Variants in HS6ST3 observed in about 807,000 individuals in gnomAD.
The protein encoded by HS6ST3 is heparan sulfate 6-O-sulfotransferase 3.
A neutral mutation model predicts 36.7 loss-of-function variants in HS6ST3; 12 were observed. That is an observed-to-expected ratio of 0.33 (90% CI 0.21 to 0.53). HS6ST3 has a LOEUF of 0.53. Ranked by LOEUF, HS6ST3 falls within the 20% of genes least tolerant of loss-of-function variation. HS6ST3 has a pLI of 0.95. For missense variants in HS6ST3, 584 were observed against 640.9 expected (o/e 0.91, Z 0.96); for synonymous variants, 240 against 257.5 (o/e 0.93, Z 0.65).
chr13:96,771,479 A>G (rs918409064), intron 1 of HS6ST3, among the ~76,000 whole-genome samples: 2 of 152,252 alleles, frequency 1.3e-5, no homozygotes, highest in South Asian at 4.1e-4. Flanking sequence ...TAAGCATTCT[A>G]ATCATGTAAT....
chr13:96,693,679 G>A (rs1779974974), intron 1 of HS6ST3, among the ~76,000 whole-genome samples: 2 of 152,166 alleles, frequency 1.3e-5, no homozygotes, highest in South Asian at 2.1e-4. Flanking sequence ...ATGGTAAAAT[G>A]ATGATTGACT....
intron 1 of HS6ST3, among the ~76,000 whole-genome samples, chr13:96,108,562 G>A (rs938434115): frequency 6.6e-6 from 1 of 152,082 alleles, no homozygotes; most frequent in Non-Finnish European, 1.5e-5. Context: ...TGGCTCGGGG[G>A]CATCATGGAA....
At chr13:96,362,785 G>A (rs1409336521) in intron 1 of HS6ST3, among the ~76,000 whole-genome samples, 3 of 152,128 alleles carry the variant, frequency 2.0e-5, no homozygotes, top group Non-Finnish European at 2.9e-5. Context: ...CTGTGATATA[G>A]CCACACTATG....
intron 1 of HS6ST3, among the ~76,000 whole-genome samples, chr13:96,275,205 A>G (rs968456214): frequency 4.3e-4 from 65 of 152,260 alleles, no homozygotes; most frequent in African/African-American, 1.5e-3. Flanking sequence ...GTTCCTTTCC[A>G]TGTTTGATTT....
chr13:96,573,714 C>T (rs762847822), intron 1 of HS6ST3: 53 of 293,848 alleles, frequency 1.8e-4, no homozygotes, highest in Non-Finnish European at 3.2e-4. Context: ...AAGTGAAACA[C>T]ACAGTCACAA....
chr13:96,216,173 A>G (rs1421456698), intron 1 of HS6ST3, among the ~76,000 whole-genome samples: 2 of 152,224 alleles, frequency 1.3e-5, no homozygotes, highest in Non-Finnish European at 2.9e-5. Flanking sequence ...TACCTACCAC[A>G]TAGTACGTAA....
intron 1 of HS6ST3, among the ~76,000 whole-genome samples, chr13:96,320,659 G>A (rs139727521): frequency 6.6e-6 from 1 of 152,180 alleles, no homozygotes; most frequent in Non-Finnish European, 1.5e-5. Context: ...ATTTGAGATG[G>A]CATTTCAGCT....
intron 1 of HS6ST3, among the ~76,000 whole-genome samples, chr13:96,722,547 C>T (rs1480748057): frequency 3.3e-5 from 5 of 152,176 alleles, no homozygotes; most frequent in Non-Finnish European, 5.9e-5. Flanking sequence ...TGGGTGTTCG[C>T]TTTGGATCCA....
chr13:96,814,570 ATTTTAC>A (rs1266014561), intron 1 of HS6ST3, among the ~76,000 whole-genome samples: 2 of 151,988 alleles, frequency 1.3e-5, no homozygotes, highest in African/African-American at 4.8e-5. Flanking sequence ...AAATAGTCTA[ATTTTAC>A]TTTTATTATT....
intron 1 of HS6ST3, among the ~76,000 whole-genome samples, chr13:96,774,123 A>T (rs1445162001): frequency 6.6e-6 from 1 of 152,352 alleles, no homozygotes; most frequent in East Asian, 1.9e-4. Flanking sequence ...AATAGAAAGG[A>T]ATAGCATCAA....
In HS6ST3 at chr13:96,112,623, G is replaced by A. The variant is rs1204539122; in HGVS notation, c.707+21054G>A. Among the ~76,000 whole-genome samples, 34 of 41,784 alleles carry A rather than the reference G, an allele frequency of 8.1e-4. 1 individual carries two copies. The highest frequency in any genetic ancestry group is 3.0e-3 in the South Asian group (3 of 990). 27.4% of individuals were successfully genotyped at this position (41,784 alleles called of 152,430 possible). On this transcript the variant is annotated intron_variant, in intron 1 of 1. Coordinates refer to ENST00000376705, the MANE Select transcript of HS6ST3 (RefSeq NM_153456.4). ...TATATATATATATATATATATATAT[G>A]CCCGGCTGGTGGTGTACACCTGTGG... is the stretch of plus-strand genomic sequence containing the variant.
intron 1 of HS6ST3, among the ~76,000 whole-genome samples, chr13:96,695,195 A>G (rs1464148218): frequency 1.3e-5 from 2 of 152,220 alleles, no homozygotes; most frequent in Non-Finnish European, 2.9e-5. Flanking sequence ...GAGGCAAAAT[A>G]TTGAAGGTGG....
intron 1 of HS6ST3, among the ~76,000 whole-genome samples, chr13:96,326,298 G>C (rs1164778531): frequency 6.7e-6 from 1 of 149,952 alleles, no homozygotes; most frequent in South Asian, 2.1e-4. Flanking sequence ...TTTAACATTA[G>C]GTATATCTCC....
At chr13:96,737,359 T>C (rs11842406) in intron 1 of HS6ST3, among the ~76,000 whole-genome samples, 84,971 of 151,452 alleles carry the variant, frequency 0.56, 25,626 homozygotes, top group African/African-American at 0.8. Context: ...GGCGCGGTGG[T>C]TCACGCCTGT....
chr13:96,612,752 T>C (rs1262458431), intron 1 of HS6ST3, among the ~76,000 whole-genome samples: 1 of 152,128 alleles, frequency 6.6e-6, no homozygotes, highest in African/African-American at 2.4e-5. Flanking sequence ...GCCCTTCCAT[T>C]CTAAATTCTC....
intron 1 of HS6ST3, among the ~76,000 whole-genome samples, chr13:96,793,058 A>C (rs1217729692): frequency 6.6e-6 from 1 of 152,036 alleles, no homozygotes; most frequent in Non-Finnish European, 1.5e-5. Flanking sequence ...AAAATGAAAC[A>C]AATTGCTTAG....
At chr13:96,294,491 C>T (rs1174500779) in intron 1 of HS6ST3, among the ~76,000 whole-genome samples, 2 of 152,104 alleles carry the variant, frequency 1.3e-5, no homozygotes, top group African/African-American at 4.8e-5. Context: ...TGCTCCATAA[C>T]CACATGTGGC....
intron 1 of HS6ST3, among the ~76,000 whole-genome samples, chr13:96,679,424 C>T (rs1297097741): frequency 6.6e-6 from 1 of 151,986 alleles, no homozygotes; most frequent in Admixed American, 6.6e-5. Context: ...GCACTCCTAA[C>T]CACCCCAGCC....
intron 1 of HS6ST3, among the ~76,000 whole-genome samples, chr13:96,705,700 CT>C (rs975759237): frequency 1.3e-5 from 2 of 152,164 alleles, no homozygotes; most frequent in Non-Finnish European, 2.9e-5. Flanking sequence ...AAAGCAAGTC[CT>C]TGTTCGTGGC....
Sources: allele counts gnomAD v4.1 joint callset (sites outside exome capture counted in the v4.1 genomes callset), GRCh38; gene constraint gnomAD v4.1.1; transcripts MANE v1.5; gene names NCBI Gene and HGNC (gene_info 2026-07-23, HGNC 2026-07-21).